The following ARL13B variants were observed in gnomAD, a reference collection of about 807,000 sequenced individuals.
ARL13B encodes the protein ADP-ribosylation factor-like protein 13B.
ARL13B carries 36 observed loss-of-function variants against 56.1 expected under a neutral mutation model. That is an observed-to-expected ratio of 0.64 (90% CI 0.49 to 0.85). ARL13B has a LOEUF of 0.85. Ranked by LOEUF, ARL13B falls within the 40% of genes least tolerant of loss-of-function variation. The probability of loss-of-function intolerance (pLI) is 0.00; values close to 1 mark genes in which losing one functional copy is unlikely to be tolerated. For synonymous variants in ARL13B, 178 were observed against 171.1 expected, an observed-to-expected ratio of 1.04 and a Z score of -0.32; for missense variants, 519 against 507.1, an observed-to-expected ratio of 1.02 and a Z score of -0.23.
chr3:94,014,809 G>A (rs771628759), intron 3 of ARL13B: 1 of 1,614,044 alleles, frequency 6.2e-7, no homozygotes, highest in Admixed American at 1.7e-5. Context: ...TGCTGCTATT[G>A]TGTCATTGTA....
In ARL13B at chr3:94,055,269, A is replaced by G. The variant is rs1274732593; in HGVS notation, c.*2006A>G. ...TTGACATTTTCACACAATAAAAATAATTTATATCAATATTCTGTTTCTCTT... is the reference window on the plus strand; with the variant it reads ...TTGACATTTTCACACAATAAAAATAGTTTATATCAATATTCTGTTTCTCTT... On this transcript the variant is annotated 3_prime_UTR_variant, in exon 10 of 10. Transcript: ENST00000394222. The G allele has an allele frequency of 1.2e-5, 5 of 415,282 alleles. No homozygotes were observed. The highest frequency in any genetic ancestry group is 4.7e-6 in the Non-Finnish European group (1 of 213,686). The allele number at this position is 415,282 out of a possible 1,614,324, so 25.7% of individuals were successfully genotyped here.
chr3:94,045,519 A>C (rs953456916), intron 7 of ARL13B, among the ~76,000 whole-genome samples: 3 of 152,076 alleles, frequency 2.0e-5, no homozygotes, highest in Admixed American at 6.5e-5. Flanking sequence ...CTGTAGATTT[A>C]AGGCAATTCC....
intron 3 of ARL13B, among the ~76,000 whole-genome samples, chr3:94,010,077 A>G (rs1284744175): frequency 1.3e-5 from 2 of 152,130 alleles, no homozygotes; most frequent in Admixed American, 1.3e-4. Flanking sequence ...CTTTTTTTCC[A>G]TACGTGCTCT....
intron 6 of ARL13B, among the ~76,000 whole-genome samples, chr3:94,042,105 A>G (rs1033874279): frequency 6.6e-6 from 1 of 152,228 alleles, no homozygotes; most frequent in Admixed American, 6.5e-5. Context: ...TTTGCTGGCA[A>G]TAAAAATTTT....
At chr3:94,019,225 C>T (rs2076397433) in intron 3 of ARL13B, among the ~76,000 whole-genome samples, 1 of 151,974 alleles carries the variant, frequency 6.6e-6, no homozygotes. Context: ...GAGACAGAGT[C>T]TCCCTCTGTT....
chr3:93,989,036 C>T (rs1324255470), intron 1 of ARL13B: 3 of 249,560 alleles, frequency 1.2e-5, no homozygotes, highest in Admixed American at 5.0e-5. Context: ...ACTGGCACTC[C>T]TCCCGCTGCC....
intron 1 of ARL13B, among the ~76,000 whole-genome samples, chr3:93,993,307 G>A (rs1246551179): frequency 1.3e-5 from 2 of 151,678 alleles, no homozygotes; most frequent in Non-Finnish European, 2.9e-5. Flanking sequence ...TGTATTTTTA[G>A]TAGAGGTGGG....
At chr3:94,044,982 G>A (rs896631118) in intron 7 of ARL13B, among the ~76,000 whole-genome samples, 22 of 152,312 alleles carry the variant, frequency 1.4e-4, no homozygotes, top group African/African-American at 4.6e-4. Flanking sequence ...CCATGATGAC[G>A]ATGGCGGTTT....
rs569237681 is a variant in ARL13B at position 94,040,852 on chromosome 3, T to G, written c.798+864T>G. On this transcript the variant is annotated intron_variant, in intron 6 of 9. Transcript: ENST00000394222. ...GGCTTGCTTTATAAATAATGGCTAA[T>G]TATTTTATAGTACCATGGGTATAAA... is the stretch of plus-strand genomic sequence containing the variant. 2.4e-3 allele frequency among the ~76,000 whole-genome samples: 370 copies of G among 152,312 alleles called. 1 individual carries two copies. The highest frequency in any genetic ancestry group is 8.4e-3 in the African/African-American group (350 of 41,566).
intron 7 of ARL13B, among the ~76,000 whole-genome samples, chr3:94,046,363 A>G (rs1053056019): frequency 1.3e-4 from 20 of 151,070 alleles, no homozygotes; most frequent in Non-Finnish European, 2.5e-4. Context: ...TGAATATAAA[A>G]TATTCCTTTA....
chr3:94,012,217 A>C (rs758143904), intron 3 of ARL13B, among the ~76,000 whole-genome samples: 19 of 152,160 alleles, frequency 1.2e-4, no homozygotes, highest in Non-Finnish European at 2.2e-4. Context: ...TACTAAAATG[A>C]CCCAAATCTG....
intron 1 of ARL13B, among the ~76,000 whole-genome samples, chr3:93,992,232 G>C (rs931442791): frequency 6.6e-6 from 1 of 152,062 alleles, no homozygotes; most frequent in Non-Finnish European, 1.5e-5. Context: ...AACGTGAGGT[G>C]CTCTATATAA....
At chr3:94,041,248 G>C (rs2076857194) in intron 6 of ARL13B, among the ~76,000 whole-genome samples, 1 of 151,794 alleles carries the variant, frequency 6.6e-6, no homozygotes, top group Non-Finnish European at 1.5e-5. Context: ...CAGATCAATG[G>C]AACGAATATT....
At chr3:94,004,502 T>C (rs2076102110) in intron 3 of ARL13B, among the ~76,000 whole-genome samples, 1 of 152,134 alleles carries the variant, frequency 6.6e-6, no homozygotes, top group South Asian at 2.1e-4. Context: ...AAACAGTAGA[T>C]GGTGCTATAA....
At chr3:93,988,013 A>T (rs914473542) in intron 1 of ARL13B, among the ~76,000 whole-genome samples, 1 of 152,114 alleles carries the variant, frequency 6.6e-6, no homozygotes, top group Non-Finnish European at 1.5e-5. Flanking sequence ...TCTTAAGAGG[A>T]TTATCAAGAG....
intron 3 of ARL13B, among the ~76,000 whole-genome samples, chr3:94,005,746 G>A (rs528523265): frequency 6.6e-6 from 1 of 152,044 alleles, no homozygotes; most frequent in South Asian, 2.1e-4. Context: ...TATTATTAAA[G>A]GTAAACTGCT....
At chr3:94,049,638 C>A in intron 8 of ARL13B, 116 bp downstream of exon 8, 2 of 707,848 alleles carry the variant, frequency 2.8e-6, no homozygotes, top group Non-Finnish European at 4.5e-6. Context: ...ATCTTGTATA[C>A]TTGTGAAGAA....
chr3:94,043,377 A>G, intron 7 of ARL13B, 137 bp downstream of exon 7: 1 of 822,032 alleles, frequency 1.2e-6, no homozygotes, highest in Non-Finnish European at 1.9e-6. Flanking sequence ...ATTTACCATG[A>G]TTTTCTCAAG....
chr3:94,034,230 C>T (rs1426002353), intron 3 of ARL13B, among the ~76,000 whole-genome samples: 1 of 146,118 alleles, frequency 6.8e-6, no homozygotes, highest in Non-Finnish European at 1.5e-5. Flanking sequence ...TTGGGAAATA[C>T]AAAAAAAAAG....
Sources: allele counts gnomAD v4.1 joint callset (sites outside exome capture counted in the v4.1 genomes callset), GRCh38; gene constraint gnomAD v4.1.1; transcripts MANE v1.5; gene names NCBI Gene and HGNC (gene_info 2026-07-23, HGNC 2026-07-21).